The following LOC128125818 variants were observed in gnomAD, a reference collection of about 807,000 sequenced individuals.
chr4:6,067,105 T>C, the LOC128125818 span, among the ~76,000 whole-genome samples: 2 of 152,160 alleles, frequency 1.3e-5, no homozygotes, highest in Admixed American at 6.5e-5. This position sits in a 1 kb window ranked among gnomAD's most constrained non-coding sequence, Gnocchi z 4.6. Context: ...TTCCTTTCCA[T>C]AGCACATCTC....
At chr4:6,067,336 C>T in the LOC128125818 span, among the ~76,000 whole-genome samples, 1 of 152,210 alleles carries the variant, frequency 6.6e-6, no homozygotes, top group African/African-American at 2.4e-5. This position sits in a 1 kb window ranked among gnomAD's most constrained non-coding sequence, Gnocchi z 4.6. Context: ...ATCAGTTGGG[C>T]ACCATGTGGT....
At chr4:6,064,989 A>C in the LOC128125818 span, 5 of 1,614,148 alleles carry the variant, frequency 3.1e-6, no homozygotes, top group Non-Finnish European at 4.2e-6. This position sits in a 1 kb window ranked among gnomAD's most constrained non-coding sequence, Gnocchi z 4.3. Context: ...AAATCCAAAA[A>C]ATGTCTCCAC....
At chr4:6,065,728 C>T in the LOC128125818 span, among the ~76,000 whole-genome samples, 7 of 152,218 alleles carry the variant, frequency 4.6e-5, no homozygotes, top group South Asian at 4.1e-4. The surrounding 1 kb of genome is among the most constrained non-coding windows in gnomAD (Gnocchi z 5.1). Context: ...CTCTATGTGA[C>T]GGCCTCTGAG....
At chr4:6,065,159 G>A in the LOC128125818 span, 6 of 954,352 alleles carry the variant, frequency 6.3e-6, no homozygotes, top group Non-Finnish European at 9.8e-6. The surrounding 1 kb of genome is among the most constrained non-coding windows in gnomAD (Gnocchi z 5.1). Context: ...CTTCGTAACT[G>A]ACTGGGTGGG....
the LOC128125818 span, among the ~76,000 whole-genome samples, chr4:6,069,644 T>G: frequency 6.6e-6 from 1 of 151,980 alleles, no homozygotes; most frequent in Non-Finnish European, 1.5e-5. The surrounding 1 kb of genome is among the most constrained non-coding windows in gnomAD (Gnocchi z 4.5). Flanking sequence ...TCCCAGCTAC[T>G]TGGGAGGCTG....
At chr4:6,064,992 G>C in the LOC128125818 span, 1 of 1,614,182 alleles carries the variant, frequency 6.2e-7, no homozygotes, top group Non-Finnish European at 8.5e-7. The surrounding 1 kb of genome is among the most constrained non-coding windows in gnomAD (Gnocchi z 4.3). Context: ...TCCAAAAAAT[G>C]TCTCCACAAC....
the LOC128125818 span, among the ~76,000 whole-genome samples, chr4:6,067,588 C>CTCTT: frequency 6.6e-6 from 1 of 151,748 alleles, no homozygotes; most frequent in South Asian, 2.1e-4. This position sits in a 1 kb window ranked among gnomAD's most constrained non-coding sequence, Gnocchi z 4.6. Context: ...AGCACTCAAG[C>CTCTT]TCTTCTGCAC....
chr4:6,069,713 T>A, the LOC128125818 span, among the ~76,000 whole-genome samples: 27 of 149,382 alleles, frequency 1.8e-4, no homozygotes, highest in Non-Finnish European at 3.5e-4. This position sits in a 1 kb window ranked among gnomAD's most constrained non-coding sequence, Gnocchi z 4.5. Context: ...TGATTGTGCC[T>A]CTGCACTCCA....
chr4:6,067,641 CTGCACA>C, the LOC128125818 span, among the ~76,000 whole-genome samples: 21 of 146,958 alleles, frequency 1.4e-4, no homozygotes, highest in African/African-American at 4.1e-4. This position sits in a 1 kb window ranked among gnomAD's most constrained non-coding sequence, Gnocchi z 4.6. Flanking sequence ...TCAAGCTCTT[CTGCACA>C]CACACACACA....
the LOC128125818 span, chr4:6,065,031 T>A: frequency 6.2e-7 from 1 of 1,613,920 alleles, no homozygotes; most frequent in East Asian, 2.2e-5. The surrounding 1 kb of genome is among the most constrained non-coding windows in gnomAD (Gnocchi z 5.1). Flanking sequence ...ATTTGTATGA[T>A]GTTAGCAACG....
chr4:6,068,549 A>T, the LOC128125818 span, among the ~76,000 whole-genome samples: 15 of 130,708 alleles, frequency 1.1e-4, no homozygotes, highest in African/African-American at 4.2e-4. Context: ...ATTTTTAAAA[A>T]TTTTTTAACT....
chr4:6,067,748 ACG>A, the LOC128125818 span, among the ~76,000 whole-genome samples: 15 of 141,210 alleles, frequency 1.1e-4, no homozygotes, highest in African/African-American at 2.7e-4. The surrounding 1 kb of genome is among the most constrained non-coding windows in gnomAD (Gnocchi z 4.6). Context: ...TCTTCTGCAC[ACG>A]CAGGTCACCC....
the LOC128125818 span, among the ~76,000 whole-genome samples, chr4:6,067,887 A>G: frequency 0.52 from 76,062 of 147,168 alleles, 23,292 homozygotes; most frequent in African/African-American, 0.85. This position sits in a 1 kb window ranked among gnomAD's most constrained non-coding sequence, Gnocchi z 4.6. Flanking sequence ...ATTTTTCTGA[A>G]CAGCCACTGA....
chr4:6,068,771 T>C, the LOC128125818 span, among the ~76,000 whole-genome samples: 16 of 152,266 alleles, frequency 1.1e-4, no homozygotes, highest in South Asian at 1.0e-3. Flanking sequence ...GGTTTCACCA[T>C]GTTAGCCAGG....
the LOC128125818 span, among the ~76,000 whole-genome samples, chr4:6,068,812 C>A: frequency 2.0e-5 from 3 of 152,116 alleles, no homozygotes; most frequent in African/African-American, 7.2e-5. Context: ...TCAAGTGATC[C>A]GTCTACCTCG....
the LOC128125818 span, among the ~76,000 whole-genome samples, chr4:6,068,970 G>A: frequency 6.6e-6 from 1 of 152,226 alleles, no homozygotes; most frequent in South Asian, 2.1e-4. Flanking sequence ...TGTGTTGAGT[G>A]ATTATATTAT....
chr4:6,065,026 TATG>T, the LOC128125818 span: 1 of 1,613,950 alleles, frequency 6.2e-7, no homozygotes, highest in Non-Finnish European at 8.5e-7. The surrounding 1 kb of genome is among the most constrained non-coding windows in gnomAD (Gnocchi z 5.1). Context: ...ACGCAATTTG[TATG>T]ATGTTAGCAA....
the LOC128125818 span, among the ~76,000 whole-genome samples, chr4:6,065,902 C>T: frequency 6.6e-5 from 10 of 152,240 alleles, no homozygotes; most frequent in African/African-American, 2.4e-4. This position sits in a 1 kb window ranked among gnomAD's most constrained non-coding sequence, Gnocchi z 5.1. Context: ...GGCCAGGTCC[C>T]TGCCCCAAGG....
At chr4:6,068,558 CTTT>C in the LOC128125818 span, among the ~76,000 whole-genome samples, 2 of 136,306 alleles carry the variant, frequency 1.5e-5, no homozygotes. Context: ...AATTTTTTAA[CTTT>C]TTTTTTTTTT....
Sources: gnomAD v4.1 joint callset for allele counts (sites outside exome capture counted in the v4.1 genomes callset) on GRCh38, gnomAD v4.1.1 for gene constraint, Gnocchi (gnomAD v3.1) non-coding constraint, MANE v1.5 for transcripts.